The following BAMBI variants were observed in gnomAD, a reference collection of about 807,000 sequenced individuals.
The protein encoded by BAMBI is BMP and activin membrane bound inhibitor.
BAMBI carries 21 observed loss-of-function variants against 24.1 expected under a neutral mutation model. The ratio of observed to expected loss-of-function variants is 0.87; its 90% confidence interval spans 0.62 to 1.26. The LOEUF (loss-of-function observed/expected upper bound fraction) is 1.26. Among genes scored for constraint, BAMBI ranks in the 50% most tolerant of loss-of-function variants. BAMBI has a pLI of 0.00. For missense variants in BAMBI, 388 were observed against 329.1 expected (o/e 1.18, Z -1.38); for synonymous variants, 156 against 123.1 (o/e 1.27, Z -1.77).
At chr10:28,679,239 T>G (rs1037170809) in intron 1 of BAMBI, among the ~76,000 whole-genome samples, 1 of 152,116 alleles carries the variant, frequency 6.6e-6, no homozygotes, top group Non-Finnish European at 1.5e-5. Flanking sequence ...TGCCTGATAA[T>G]GATATAATTA....
intron 1 of BAMBI, 49 bp downstream of exon 1, chr10:28,678,022 G>A: frequency 6.8e-7 from 1 of 1,474,722 alleles, no homozygotes; most frequent in Non-Finnish European, 9.0e-7. Flanking sequence ...TCGCCGCGGG[G>A]CTTTGGAGCC....
At position 28,677,631 on chromosome 10, in the gene BAMBI, G is replaced by A. The variant is rs561565965; in HGVS notation, c.-267G>A. On this transcript the variant is annotated 5_prime_UTR_variant, in exon 1 of 3. Transcript: ENST00000375533. ...GACTGAAGGCCGGGAGCCCACTCCC[G>A]ACCCGGGGCTAGCGTGCGTCCCTAG... is the stretch of plus-strand genomic sequence containing the variant. 49 of 233,202 alleles carry A rather than the reference G, an allele frequency of 2.1e-4. No homozygotes were observed. Among genetic ancestry groups the A allele is most frequent in the Middle Eastern group, 2.8e-3 (2 of 722 alleles). The allele number at this position is 233,202 out of a possible 1,614,324, so 14.4% of individuals were successfully genotyped here.
chr10:28,678,861 C>T (rs1422488708), intron 1 of BAMBI, among the ~76,000 whole-genome samples: 1 of 151,152 alleles, frequency 6.6e-6, no homozygotes, highest in Non-Finnish European at 1.5e-5. Flanking sequence ...CTTCTTTCCT[C>T]TGCAGGCTTT....
At position 28,679,448 on chromosome 10, in the gene BAMBI, G is replaced by A. The variant is rs550148461; in HGVS notation, c.76+1475G>A. 2.0e-5 allele frequency among the ~76,000 whole-genome samples: 3 copies of A among 152,090 alleles called. No homozygotes were observed. The East Asian group carries it at 5.8e-4, about 29-fold the overall frequency. ...CTTTCTGGCCTTTTGCATGCCACAG[G>A]AAGAAACTTTATGAACGACAGAAAT... On this transcript the variant is annotated intron_variant, in intron 1 of 2. Coordinates refer to ENST00000375533, the MANE Select transcript of BAMBI (RefSeq NM_012342.3).
rs552943960 is a variant in BAMBI at position 28,681,343 on chromosome 10, A to G, written c.162A>G (p.Arg54=). 8.7e-6 allele frequency: 14 copies of G among 1,614,104 alleles called. No homozygotes were observed. In the South Asian group the frequency reaches 1.1e-4, roughly 13 times the overall value. The change falls in exon 2 of 3, where the codon AGA becomes AGG. Residue 54 remains arginine (R), a synonymous_variant. Coordinates refer to ENST00000375533, the MANE Select transcript of BAMBI (RefSeq NM_012342.3). ...CKSELSACFS[R]LLDPQNSNSP... is the part of the protein sequence containing the mutation. Reference sequence around the variant, plus strand: ...CTGAGCTCAGCGCCTGCTTCTCTAGACTTCTTGATCCTCAGAACTCAAATT... The same window carrying G: ...CTGAGCTCAGCGCCTGCTTCTCTAGGCTTCTTGATCCTCAGAACTCAAATT...
rs1834509533 is a variant in BAMBI at position 28,682,391 on chromosome 10, A to G, written c.773A>G (p.Glu258Gly). The G allele has an allele frequency of 6.2e-7, 1 of 1,609,504 alleles. No individual in the cohort carries two copies. ...ATGTACAGTGGGCACGGGAAGCTGG[A>G]ATTCGTATGACGGAGTCTTATCTGA... ...WGMYSGHGKL[E>G]FV Residue 258 changes from glutamate to glycine, a missense_variant, in exon 3 of 3, where the codon GAA becomes GGA. Coordinates refer to ENST00000375533, the MANE Select transcript of BAMBI (RefSeq NM_012342.3).
At chr10:28,679,753 A>T (rs1834478567) in intron 1 of BAMBI, among the ~76,000 whole-genome samples, 1 of 152,164 alleles carries the variant, frequency 6.6e-6, no homozygotes, top group Non-Finnish European at 1.5e-5. Context: ...CAAACTAGGG[A>T]TATGTAGTCA....
At chr10:28,680,546 TCC>T (rs985581636) in intron 1 of BAMBI, among the ~76,000 whole-genome samples, 1 of 152,072 alleles carries the variant, frequency 6.6e-6, no homozygotes, top group Non-Finnish European at 1.5e-5. Context: ...AGTTTTATAC[TCC>T]CCCCACCTTT....
Position 28,682,221 on chromosome 10 carries a change from C to T in BAMBI, c.603C>T (p.His201=). Reference sequence around the variant, plus strand: ...GTTTGCACTACAGCTTTCACGGACACCATTCCAAAAAGGGGCAGGTTGCAA... The same window carrying T: ...GTTTGCACTACAGCTTTCACGGACATCATTCCAAAAAGGGGCAGGTTGCAA... ...LSRLHYSFHG[H]HSKKGQVAKL... The change falls in exon 3 of 3, where the codon CAC becomes CAT. Residue 201 remains histidine, a synonymous_variant. Transcript: ENST00000375533. 6.2e-7 allele frequency: 1 copy of T among 1,614,098 alleles called. No individual in the cohort carries two copies. The highest frequency in any genetic ancestry group is 8.5e-7 in the Non-Finnish European group (1 of 1,179,986).
chr10:28,677,936 G>T lies in BAMBI; in HGVS notation c.39G>T (p.Gln13His), dbSNP rs867550504. ...RHSSYIFIWLQLELCAMAVLL... is the reference protein window; with the variant it reads ...RHSSYIFIWLHLELCAMAVLL... ...CCAGCTACATCTTCATCTGGCTGCA[G>T]CTGGAGCTCTGCGCCATGGCCGTGC... is the stretch of plus-strand genomic sequence containing the variant. The change falls in exon 1 of 3, where the codon CAG (glutamine) becomes CAT (histidine). Residue 13 changes from glutamine to histidine, a missense_variant. Physicochemically the swap from Gln to His is conservative, Grantham distance 24 (BLOSUM62 0). Transcript: ENST00000375533. The T allele has an allele frequency of 1.3e-6, 2 of 1,535,034 alleles. No individual in the cohort carries two copies. The highest frequency in any genetic ancestry group is 1.2e-5 in the South Asian group (1 of 83,238).
chr10:28,681,819 C>G, intron 2 of BAMBI, 164 bp from the exon 3 acceptor site: 2 of 803,938 alleles, frequency 2.5e-6, no homozygotes, highest in Non-Finnish European at 3.8e-6. Flanking sequence ...TAAACAAATG[C>G]GTTTGTAAGC....
rs60061489 is a variant in BAMBI, at chr10:28,680,500, A to G, written c.77-758A>G. Among the ~76,000 whole-genome samples the G allele has an allele frequency of 6.2e-3, 925 of 148,954 alleles. 9 individuals carry two copies. The highest frequency in any genetic ancestry group is 0.021 in the African/African-American group (877 of 41,228). On this transcript the variant is annotated intron_variant, in intron 1 of 2. Transcript: ENST00000375533. ...TAGATCACATGTCGAATTACATGTA[A>G]AACTTGTGAGGAGGAGGAGGAGAAG...
In BAMBI at chr10:28,682,238, A is replaced by G. The variant is rs747909338; in HGVS notation, c.620A>G (p.Gln207Arg). 1.9e-6 allele frequency: 3 copies of G among 1,614,184 alleles called. No individual in the cohort carries two copies. The highest frequency in any genetic ancestry group is 1.7e-6 in the Non-Finnish European group (2 of 1,180,036). Residue 207 changes from glutamine (Q) to arginine (R), a missense_variant, in exon 3 of 3, where the codon CAG (glutamine) becomes CGG (arginine). Transcript: ENST00000375533. ...CACGGACACCATTCCAAAAAGGGGC[A>G]GGTTGCAAAGTTAGACTTGGAATGC... ...SFHGHHSKKG[Q>R]VAKLDLECMV...
At chr10:28,680,368 G>A (rs1034469402) in intron 1 of BAMBI, among the ~76,000 whole-genome samples, 3 of 152,158 alleles carry the variant, frequency 2.0e-5, no homozygotes, top group African/African-American at 7.2e-5. Flanking sequence ...CACAAAATAA[G>A]TTTTTATAAA....
At chr10:28,678,195 C>T (rs987484598) in intron 1 of BAMBI, among the ~76,000 whole-genome samples, 3 of 152,218 alleles carry the variant, frequency 2.0e-5, no homozygotes, top group Non-Finnish European at 2.9e-5. Flanking sequence ...CCTGGCTCTG[C>T]CTGCGGGGAG....
chr10:28,679,354 C>T (rs1009681109), intron 1 of BAMBI, among the ~76,000 whole-genome samples: 54 of 152,188 alleles, frequency 3.5e-4, no homozygotes, highest in Admixed American at 3.4e-3. Context: ...TGTTTAATCA[C>T]TACATACAGT....
At chr10:28,678,656 T>C (rs576683680) in intron 1 of BAMBI, among the ~76,000 whole-genome samples, 1 of 152,228 alleles carries the variant, frequency 6.6e-6, no homozygotes, top group South Asian at 2.1e-4. Flanking sequence ...TGTGAGTGTG[T>C]CTCTGCGTAC....
At position 28,681,435 on chromosome 10, in the gene BAMBI, C is replaced by T. The variant is rs901039567; in HGVS notation, c.254C>T (p.Ala85Val). Residue 85 changes from alanine to valine, a missense_variant, in exon 2 of 3, where the codon GCC becomes GTC. Physicochemically the swap from Ala to Val is moderately conservative, Grantham distance 64 (BLOSUM62 0). Transcript: ENST00000375533. ...STTDICQAKQ[A>V]RNHSGTTIPT... is the part of the protein sequence containing the mutation. ...ACAGACATCTGCCAAGCCAAACAGGCCCGAAACCACTCTGGCACCACCATA... is the reference window on the plus strand; with the variant it reads ...ACAGACATCTGCCAAGCCAAACAGGTCCGAAACCACTCTGGCACCACCATA... 1.9e-6 allele frequency: 3 copies of T among 1,614,036 alleles called. No homozygotes were observed. The highest frequency in any genetic ancestry group is 2.5e-6 in the Non-Finnish European group (3 of 1,180,030).
intron 2 of BAMBI, 39 bp from the exon 3 acceptor site, chr10:28,681,944 T>A: frequency 6.5e-7 from 1 of 1,548,354 alleles, no homozygotes; most frequent in Non-Finnish European, 8.8e-7. Context: ...CTAGGAGGAG[T>A]TAGCATGGAG....
Sources: gnomAD v4.1 joint callset for allele counts (sites outside exome capture counted in the v4.1 genomes callset) on GRCh38, gnomAD v4.1.1 for gene constraint, MANE v1.5 for transcripts, NCBI Gene and HGNC (gene_info 2026-07-23, HGNC 2026-07-21) for gene names.